NRG3: variants seen among roughly 807,000 people sequenced by gnomAD.
NRG3 encodes pro-neuregulin-3, membrane-bound isoform.
A neutral mutation model predicts 66.9 loss-of-function variants in NRG3; 31 were observed. The observed-to-expected ratio is 0.46, with a 90% CI of 0.35 to 0.63. The LOEUF (loss-of-function observed/expected upper bound fraction) is 0.63. Among genes scored for constraint, NRG3 ranks in the 20% least tolerant of loss-of-function variants. The probability of loss-of-function intolerance (pLI) is 0.00; values close to 1 mark genes in which losing one functional copy is unlikely to be tolerated. For synonymous variants in NRG3, 393 were observed against 359.4 expected, an observed-to-expected ratio of 1.09 and a Z score of -1.06; for missense variants, 910 against 878.9, an observed-to-expected ratio of 1.04 and a Z score of -0.45.
At chr10:82,210,457 G>T (rs957011486) in intron 1 of NRG3, among the ~76,000 whole-genome samples, 4 of 152,306 alleles carry the variant, frequency 2.6e-5, no homozygotes, top group African/African-American at 4.8e-5. Context: ...ACCATATTGG[G>T]AGGAAGGAGA....
At chr10:82,836,273 A>G (rs1364217640) in intron 3 of NRG3, among the ~76,000 whole-genome samples, 1 of 152,126 alleles carries the variant, frequency 6.6e-6, no homozygotes, top group African/African-American at 2.4e-5. Flanking sequence ...AAAAAAATTG[A>G]TGATCATTGG....
At chr10:81,940,609 C>T (rs1483049631) in intron 1 of NRG3, among the ~76,000 whole-genome samples, 1 of 152,006 alleles carries the variant, frequency 6.6e-6, no homozygotes, top group Non-Finnish European at 1.5e-5. Context: ...AATTCTCTCA[C>T]CTTGGCCTAC....
intron 1 of NRG3, among the ~76,000 whole-genome samples, chr10:82,079,201 C>T (rs773831489): frequency 3.3e-5 from 5 of 151,840 alleles, no homozygotes; most frequent in Admixed American, 6.6e-5. Flanking sequence ...CCTGCCACAA[C>T]GCCCAGCTAA....
At chr10:82,167,821 G>T (rs1044607025) in intron 1 of NRG3, among the ~76,000 whole-genome samples, 1 of 151,748 alleles carries the variant, frequency 6.6e-6, no homozygotes, top group Non-Finnish European at 1.5e-5. Flanking sequence ...ATTATTGAAT[G>T]GTGTGTTTAT....
At chr10:82,529,516 T>C (rs1249420327) in intron 2 of NRG3, among the ~76,000 whole-genome samples, 1 of 152,232 alleles carries the variant, frequency 6.6e-6, no homozygotes, top group Admixed American at 6.5e-5. Context: ...CAACTGTTTA[T>C]TTAGTTTGTT....
At chr10:81,902,298 A>G (rs1469823334) in intron 1 of NRG3, among the ~76,000 whole-genome samples, 1 of 152,196 alleles carries the variant, frequency 6.6e-6, no homozygotes, top group Non-Finnish European at 1.5e-5. Flanking sequence ...GGTTGCAGAT[A>G]TGCTTGATGC....
chr10:82,349,275 C>T (rs2083244560), intron 1 of NRG3, among the ~76,000 whole-genome samples: 1 of 151,928 alleles, frequency 6.6e-6, no homozygotes, highest in African/African-American at 2.4e-5. Context: ...GTTAGTTTTC[C>T]TTCTAACAGA....
chr10:82,444,472 C>A (rs1590155000), intron 2 of NRG3, among the ~76,000 whole-genome samples: 1 of 152,018 alleles, frequency 6.6e-6, no homozygotes, highest in African/African-American at 2.4e-5. Context: ...ATTCTATACA[C>A]AGAATGAGAC....
chr10:82,900,542 C>G (rs1471503115), intron 4 of NRG3, among the ~76,000 whole-genome samples: 1 of 152,030 alleles, frequency 6.6e-6, no homozygotes, highest in Non-Finnish European at 1.5e-5. Context: ...GAAATAAAAT[C>G]TCATTCCTTG....
chr10:82,965,825 T>A (rs1439322847), intron 6 of NRG3, among the ~76,000 whole-genome samples: 1 of 152,074 alleles, frequency 6.6e-6, no homozygotes, highest in Non-Finnish European at 1.5e-5. Context: ...CCAGGAGGGT[T>A]GGTATAGGTG....
At position 81,944,538 on chromosome 10, in the gene NRG3, T is replaced by TA. The variant is rs1400958344; in HGVS notation, c.823+68378dup. On this transcript the variant is annotated intron_variant, in intron 1 of 8. Coordinates refer to ENST00000372141, the MANE Select transcript of NRG3 (RefSeq NM_001010848.4). ...AAATGTTGTTTGAAATGGTTAAACT[T>TA]AAAGATATTGGTTAGAAATGTGATT... Among the ~76,000 whole-genome samples, 3 of 152,150 alleles carry TA rather than the reference T, an allele frequency of 2.0e-5. No homozygotes were observed. In the East Asian group the frequency reaches 5.8e-4, roughly 29 times the overall value.
chr10:82,378,056 G>C (rs549189502), intron 2 of NRG3, among the ~76,000 whole-genome samples: 1 of 152,204 alleles, frequency 6.6e-6, no homozygotes, highest in Non-Finnish European at 1.5e-5. Context: ...CTAAGGATAG[G>C]TGGAGGTTTT....
rs556173974 is a variant in NRG3, at chr10:82,419,179, A to G, written c.953+60311A>G. ...TTAGTGAAATTAACTATTTTCACAAAATGGAAATCCATTAATGGAAATGAC... is the reference window on the plus strand; with the variant it reads ...TTAGTGAAATTAACTATTTTCACAAGATGGAAATCCATTAATGGAAATGAC... On this transcript the variant is annotated intron_variant, in intron 2 of 8. Coordinates refer to ENST00000372141, the MANE Select transcript of NRG3 (RefSeq NM_001010848.4). 1.0e-3 allele frequency among the ~76,000 whole-genome samples: 157 copies of G among 152,320 alleles called. 1 individual carries two copies. The highest frequency in any genetic ancestry group is 3.5e-3 in the African/African-American group (144 of 41,574).
chr10:82,502,174 T>C (rs1844257790), intron 2 of NRG3, among the ~76,000 whole-genome samples: 1 of 152,126 alleles, frequency 6.6e-6, no homozygotes. Context: ...GTTTTTTTTG[T>C]TTGTTTTTTT....
intron 1 of NRG3, among the ~76,000 whole-genome samples, chr10:82,098,054 T>TATACACAC (rs757078526): frequency 1.8e-3 from 260 of 146,788 alleles, no homozygotes; most frequent in African/African-American, 4.2e-3. Context: ...GCCACATATA[T>TATACACAC]ACACACACAC....
intron 4 of NRG3, among the ~76,000 whole-genome samples, chr10:82,880,872 C>A (rs770465736): frequency 2.6e-5 from 4 of 152,128 alleles, no homozygotes; most frequent in South Asian, 4.1e-4. Flanking sequence ...TATCTGGCAA[C>A]CCCTGCTGTA....
intron 1 of NRG3, among the ~76,000 whole-genome samples, chr10:82,232,026 A>G (rs959644605): frequency 5.3e-5 from 8 of 152,206 alleles, no homozygotes; most frequent in Non-Finnish European, 4.4e-5. Context: ...ACTAAGAGCA[A>G]GTATTATAAA....
chr10:82,131,429 G>T (rs142934926), intron 1 of NRG3, among the ~76,000 whole-genome samples: 1 of 151,976 alleles, frequency 6.6e-6, no homozygotes, highest in East Asian at 1.9e-4. Context: ...ATGCTGTTTG[G>T]GTTACAATAG....
intron 4 of NRG3, among the ~76,000 whole-genome samples, chr10:82,879,772 G>A (rs1444414914): frequency 6.6e-6 from 1 of 151,868 alleles, no homozygotes; most frequent in Non-Finnish European, 1.5e-5. Context: ...CACCATGCCC[G>A]GCCTAATGAA....
Sources: gnomAD v4.1 joint callset for allele counts (sites outside exome capture counted in the v4.1 genomes callset) on GRCh38, gnomAD v4.1.1 for gene constraint, MANE v1.5 for transcripts, NCBI Gene and HGNC (gene_info 2026-07-23, HGNC 2026-07-21) for gene names.